Variants in RPL21 observed in about 807,000 individuals in gnomAD.
RPL21 encodes the protein ribosomal protein L21, also known as large ribosomal subunit protein eL21.
A neutral mutation model predicts 21.2 loss-of-function variants in RPL21; 1 was observed. The ratio of observed to expected loss-of-function variants is 0.05; its 90% CI spans 0.02 to 0.22. RPL21 has a LOEUF of 0.22. Ranked by LOEUF, RPL21 falls within the 10% of genes least tolerant of loss-of-function variation. The pLI, the probability that RPL21 is intolerant of heterozygous loss-of-function variation, is 1.00. For synonymous variants in RPL21, 52 were observed against 62.9 expected, an observed-to-expected ratio of 0.83 and a Z score of 0.82; for missense variants, 113 against 199.4, an observed-to-expected ratio of 0.57 and a Z score of 2.61.
At chr13:27,254,794 T>C in intron 3 of RPL21, 1 of 344,384 alleles carries the variant, frequency 2.9e-6, no homozygotes, top group South Asian at 2.3e-5. Flanking sequence ...CTGGGATTAT[T>C]ACAGGTGTGA....
At chr13:27,253,705 G>A (rs180969325) in intron 1 of RPL21, 60 bp from the exon 2 acceptor site, 56 of 896,054 alleles carry the variant, frequency 6.2e-5, no homozygotes, top group African/African-American at 1.6e-4. Flanking sequence ...TGAAATTACA[G>A]GGGTTTGGGG....
At chr13:27,254,408 T>TTTTC in intron 3 of RPL21, 127 bp downstream of exon 3, 1 of 654,422 alleles carries the variant, frequency 1.5e-6, no homozygotes, top group Non-Finnish European at 2.7e-6. Flanking sequence ...TTTTTTTTTT[T>TTTTC]TTTGGAGACG....
At chr13:27,254,924 T>TA in intron 3 of RPL21, 1 of 446,886 alleles carries the variant, frequency 2.2e-6, no homozygotes, top group South Asian at 1.9e-5. Context: ...GGTGGGAAAT[T>TA]ATGAGTTTAT....
intron 3 of RPL21, 26 bp from the exon 4 acceptor site, chr13:27,255,216 G>A: frequency 2.3e-6 from 2 of 876,032 alleles, no homozygotes; most frequent in Admixed American, 1.7e-5. Flanking sequence ...GGAAATGCTG[G>A]TATATAACAT....
intron 1 of RPL21, among the ~76,000 whole-genome samples, chr13:27,253,264 A>G (rs1382844319): frequency 6.6e-6 from 1 of 152,244 alleles, no homozygotes; most frequent in Non-Finnish European, 1.5e-5. Context: ...GTAGTAAATA[A>G]TCAGAAATGT....
In RPL21 at chr13:27,254,272, A is replaced by G; in HGVS notation, c.120A>G (p.Val40=). 5 of 1,582,768 alleles carry G rather than the reference A, an allele frequency of 3.2e-6. No individual in the cohort carries two copies. Among genetic ancestry groups the G allele is most frequent in the African/African-American group, 2.7e-5 (2 of 74,456 alleles). The stretch of plus-strand genomic sequence containing the variant: ...GAATCTATAAGAAAGGTGATATTGT[A>G]GACATCAAGGTAAACATAAAATTGG... The part of the protein sequence containing the change: ...YMRIYKKGDI[V]DIKGMGTVQK... The change falls in exon 3 of 6, where the codon GTA becomes GTG. Residue 40 remains valine (V), a synonymous_variant. Coordinates refer to ENST00000311549, the MANE Select transcript of RPL21 (RefSeq NM_000982.4).
intron 1 of RPL21, among the ~76,000 whole-genome samples, chr13:27,253,380 TG>T (rs1881740028): frequency 6.8e-6 from 1 of 147,610 alleles, no homozygotes; most frequent in South Asian, 2.1e-4. Context: ...AATGTAAGGC[TG>T]TTTTATTGTG....
At chr13:27,252,225 C>T (rs922184117) in intron 1 of RPL21, among the ~76,000 whole-genome samples, 1 of 152,070 alleles carries the variant, frequency 6.6e-6, no homozygotes, top group Non-Finnish European at 1.5e-5. Flanking sequence ...ACATGGTGAT[C>T]GGACGAAGGG....
At chr13:27,254,859 T>A in intron 3 of RPL21, 1 of 371,264 alleles carries the variant, frequency 2.7e-6, no homozygotes, top group South Asian at 2.1e-5. Flanking sequence ...TAGCAGAATT[T>A]AAATTTTCCT....
intron 1 of RPL21, 166 bp from the exon 2 acceptor site, chr13:27,253,599 T>C: frequency 1.7e-6 from 1 of 589,918 alleles, no homozygotes; most frequent in Non-Finnish European, 3.1e-6. Flanking sequence ...CCTTACTTGC[T>C]AAAATAATGA....
At chr13:27,255,184 A>T (rs1350699740) in intron 3 of RPL21, 58 bp from the exon 4 acceptor site, 1 of 810,238 alleles carries the variant, frequency 1.2e-6, no homozygotes, top group Non-Finnish European at 2.2e-6. Context: ...CAGTTACTTA[A>T]AGTCAGAATT....
intron 1 of RPL21, among the ~76,000 whole-genome samples, chr13:27,252,892 C>G (rs530528212): frequency 2.0e-5 from 3 of 152,274 alleles, no homozygotes; most frequent in African/African-American, 4.8e-5. Flanking sequence ...TGTATTTTAC[C>G]TTATGGTAGG....
chr13:27,253,437 A>C (rs1415291773), intron 1 of RPL21, among the ~76,000 whole-genome samples: 2 of 152,202 alleles, frequency 1.3e-5, no homozygotes, highest in Non-Finnish European at 2.9e-5. Context: ...TGCCCTTGGC[A>C]TTCTAAATTG....
At chr13:27,254,353 A>G in intron 3 of RPL21, 72 bp downstream of exon 3, 1 of 830,008 alleles carries the variant, frequency 1.2e-6, no homozygotes, top group East Asian at 2.5e-5. Context: ...TAGGAATTCA[A>G]ATACTAGTGT....
intron 3 of RPL21, chr13:27,254,483 C>G (rs569232650): frequency 7.2e-5 from 39 of 540,278 alleles, no homozygotes; most frequent in African/African-American, 7.1e-4. Context: ...CTCCGCCTCC[C>G]TCCCGGATTC....
At chr13:27,252,334 C>T (rs1232281737) in intron 1 of RPL21, among the ~76,000 whole-genome samples, 1 of 152,158 alleles carries the variant, frequency 6.6e-6, no homozygotes, top group Non-Finnish European at 1.5e-5. Flanking sequence ...AAACATTTAG[C>T]CATAGTTCAT....
At chr13:27,252,179 A>G (rs1361118629) in intron 1 of RPL21, among the ~76,000 whole-genome samples, 1 of 152,152 alleles carries the variant, frequency 6.6e-6, no homozygotes, top group South Asian at 2.1e-4. Flanking sequence ...GTTAATGCAT[A>G]AGACGATTTC....
At chr13:27,255,130 A>C (rs1159267254) in intron 3 of RPL21, 112 bp from the exon 4 acceptor site, 4 of 778,716 alleles carry the variant, frequency 5.1e-6, no homozygotes, top group Non-Finnish European at 9.6e-6. Flanking sequence ...ACCGGCTCTG[A>C]AAGCTCTTGA....
chr13:27,256,051 G>C, intron 4 of RPL21, 133 bp from the exon 5 acceptor site: 2 of 707,556 alleles, frequency 2.8e-6, no homozygotes, highest in South Asian at 3.3e-5. Flanking sequence ...AGTAATCAAG[G>C]CATACTTTGT....
Sources: gnomAD v4.1 joint callset for allele counts (sites outside exome capture counted in the v4.1 genomes callset) on GRCh38, gnomAD v4.1.1 for gene constraint, MANE v1.5 for transcripts, NCBI Gene and HGNC (gene_info 2026-07-23, HGNC 2026-07-21) for gene names.